Variants in UBE4A observed in about 807,000 individuals in gnomAD.
UBE4A encodes the protein ubiquitin conjugation factor E4 A.
Under a neutral mutation model 117.9 loss-of-function variants are expected in UBE4A, and 48 were observed. The ratio of observed to expected loss-of-function variants is 0.41; its 90% CI spans 0.32 to 0.52. The LOEUF is 0.52. UBE4A is among the 20% of genes least tolerant of loss of function. The pLI, the probability that UBE4A is intolerant of heterozygous loss-of-function variation, is 0.33. For missense variants in UBE4A, 1,067 were observed against 1,296.3 expected (o/e 0.82, Z 2.72); for synonymous variants, 407 against 450.0 (o/e 0.90, Z 1.21).
Position 118,386,571 on chromosome 11 carries a change from TG to T in UBE4A, c.2547del (p.Met849IlefsTer33). On this transcript the variant is annotated frameshift_variant, in exon 16 of 20. Transcript: ENST00000252108. LOFTEE classifies it high-confidence loss of function. ...FGQLARFHNI[M>X]SNETIGTLAF... The stretch of plus-strand genomic sequence containing the variant: ...CAGCTGGCACGTTTCCATAACATCA[TG>T]TCCAATGAAACAATCGGTACCCTTG... 1 of 1,595,444 alleles carries T rather than the reference TG, an allele frequency of 6.3e-7. No individual in the cohort carries two copies. The highest frequency in any genetic ancestry group is 8.5e-7 in the Non-Finnish European group (1 of 1,173,642).
intron 11 of UBE4A, among the ~76,000 whole-genome samples, chr11:118,380,136 T>C (rs1196166773): frequency 5.6e-3 from 135 of 24,318 alleles, no homozygotes; most frequent in East Asian, 6.8e-3. Flanking sequence ...TGTGTGTGCG[T>C]GTGTGTGTGT....
intron 19 of UBE4A, among the ~76,000 whole-genome samples, chr11:118,393,921 C>T (rs1180237495): frequency 1.3e-5 from 2 of 151,982 alleles, no homozygotes; most frequent in Non-Finnish European, 2.9e-5. Flanking sequence ...AGGTTTTACA[C>T]TATATTCACC....
At chr11:118,371,708 G>C (rs1187922182) in intron 5 of UBE4A, 42 bp downstream of exon 5, 13 of 1,559,886 alleles carry the variant, frequency 8.3e-6, no homozygotes, top group East Asian at 2.3e-5. Context: ...TGTCCTCTTG[G>C]GTATGACTTC....
At chr11:118,372,801 T>C in intron 6 of UBE4A, 135 bp downstream of exon 6, 1 of 1,305,928 alleles carries the variant, frequency 7.7e-7, no homozygotes, top group Non-Finnish European at 1.1e-6. Flanking sequence ...ATCTTGATCT[T>C]TGAGGTTGAG....
chr11:118,365,162 T>A lies in UBE4A; in HGVS notation c.82T>A (p.Phe28Ile). Reference sequence around the variant, plus strand: ...TGGCTCCCTGGCTGATGCCAAACAGTTTGCGGCAATCCAAAAAGAGCAGCT... The same window carrying A: ...TGGCTCCCTGGCTGATGCCAAACAGATTGCGGCAATCCAAAAAGAGCAGCT... ...LFGSLADAKQ[F>I]AAIQKEQLKQ... The change falls in exon 2 of 20, where the codon TTT becomes ATT. Residue 28 changes from phenylalanine to isoleucine, a missense_variant. Phe to Ile is a conservative substitution (Grantham distance 21, BLOSUM62 0). This residue lies in a region of UBE4A where 1,001 missense variants were observed against 1,184.0 expected (regional missense o/e 0.85). Transcript: ENST00000252108. The A allele has an allele frequency of 6.2e-7, 1 of 1,612,754 alleles. No individual in the cohort carries two copies. The highest frequency in any genetic ancestry group is 1.1e-5 in the South Asian group (1 of 90,794).
chr11:118,370,783 C>A (rs1410426170), intron 4 of UBE4A, among the ~76,000 whole-genome samples: 1 of 152,146 alleles, frequency 6.6e-6, no homozygotes, highest in Non-Finnish European at 1.5e-5. Context: ...AGGACACATA[C>A]CATGAGGACG....
chr11:118,376,354 A>G (rs916080278), intron 9 of UBE4A, among the ~76,000 whole-genome samples: 1 of 152,226 alleles, frequency 6.6e-6, no homozygotes, highest in African/African-American at 2.4e-5. Context: ...GAAACAATCT[A>G]TAGTAGTATT....
rs761829625 is a variant in UBE4A at position 118,373,553 on chromosome 11, C to G, written c.984C>G (p.Thr328=). 6.2e-7 allele frequency: 1 copy of G among 1,614,134 alleles called. No individual in the cohort carries two copies. Residue 328 remains threonine (T), a synonymous_variant, in exon 8 of 20, where the codon ACC becomes ACG. Transcript: ENST00000252108. ...CCAATGGGCAAATGTACCAGAAGAC[C>G]TTGCTGGGAGTAATTCTGAGTATCT... The part of the protein sequence containing the change: ...DPTNGQMYQK[T]LLGVILSISC...
Position 118,396,444 on chromosome 11 carries a change from C to A in UBE4A, c.*4C>A, listed in dbSNP as rs1591312421. 6.2e-7 allele frequency: 1 copy of A among 1,612,636 alleles called. No individual in the cohort carries two copies. On this transcript the variant is annotated 3_prime_UTR_variant, in exon 20 of 20. Transcript: ENST00000252108. ...ACAAAAGGAGCAACTTGAATAGATA[C>A]TGTGAACTAACCAAACCAAAACCAA... is the stretch of plus-strand genomic sequence containing the variant.
At chr11:118,384,488 G>C in intron 13 of UBE4A, 147 bp from the exon 14 acceptor site, 1 of 649,178 alleles carries the variant, frequency 1.5e-6, no homozygotes, top group Non-Finnish European at 2.7e-6. Flanking sequence ...GATAACTCTA[G>C]GCCTTTAGAA....
rs1948638021 is a variant in UBE4A at position 118,374,949 on chromosome 11, G to C, written c.1170G>C (p.Gln390His). Residue 390 changes from glutamine to histidine, a missense_variant, in exon 9 of 20, where the codon CAG (glutamine) becomes CAC (histidine). By Grantham distance (24) the Gln-to-His change is conservative (BLOSUM62 0). Transcript: ENST00000252108. ...KIYQMLKNLL[Q>H]LSPETKHCIL... ...ACCAGATGCTGAAGAACTTACTCCA[G>C]CTCTCTCCAGAAACCAAACACTGTA... 2 of 1,576,598 alleles carry C rather than the reference G, an allele frequency of 1.3e-6. No individual in the cohort carries two copies. The highest frequency in any genetic ancestry group is 1.7e-6 in the Non-Finnish European group (2 of 1,158,540).
Position 118,368,758 on chromosome 11 carries a change from C to T in UBE4A, c.249C>T (p.Asn83=), listed in dbSNP as rs372155672. The change falls in exon 3 of 20, where the codon AAC becomes AAT. Residue 83 remains asparagine (N), a synonymous_variant. Coordinates refer to ENST00000252108, the MANE Select transcript of UBE4A (RefSeq NM_001204077.2). The part of the protein sequence containing the change: ...RSQQEICEQL[N]INHMIQRIFL... ...AGCAGGAAATATGTGAGCAACTCAA[C>T]ATCAATCACATGATCCAAAGGATCT... is the stretch of plus-strand genomic sequence containing the variant. 6.2e-7 allele frequency: 1 copy of T among 1,614,070 alleles called. No individual in the cohort carries two copies. Among genetic ancestry groups the T allele is most frequent in the Non-Finnish European group, 8.5e-7 (1 of 1,180,028 alleles).
intron 10 of UBE4A, among the ~76,000 whole-genome samples, chr11:118,379,123 G>T (rs1190626396): frequency 3.9e-5 from 6 of 152,136 alleles, no homozygotes; most frequent in African/African-American, 9.7e-5. Context: ...TGGCCTTCTT[G>T]TACTTTGCCT....
At chr11:118,375,366 T>A in intron 9 of UBE4A, 137 bp downstream of exon 9, 4 of 950,948 alleles carry the variant, frequency 4.2e-6, no homozygotes, top group Non-Finnish European at 5.9e-6. Flanking sequence ...CGATTTTTTT[T>A]TCTTTTTTTT....
intron 17 of UBE4A, 65 bp downstream of exon 17, chr11:118,389,970 G>A: frequency 7.1e-7 from 1 of 1,407,796 alleles, no homozygotes; most frequent in Non-Finnish European, 9.5e-7. Context: ...TTTGATAGTA[G>A]AATGACTGGT....
intron 2 of UBE4A, among the ~76,000 whole-genome samples, chr11:118,367,239 A>G (rs1459646365): frequency 6.9e-6 from 1 of 144,206 alleles, no homozygotes; most frequent in Non-Finnish European, 1.5e-5. Flanking sequence ...TTTTGAGGAC[A>G]GAAGTTTAAA....
At chr11:118,372,958 T>C (rs1948620922) in intron 6 of UBE4A, 128 bp from the exon 7 acceptor site, 1 of 944,054 alleles carries the variant, frequency 1.1e-6, no homozygotes, top group Non-Finnish European at 1.5e-6. Context: ...CACTCCAGGC[T>C]GAGCAAAAAA....
At chr11:118,376,310 AAAAT>A (rs1195138478) in intron 9 of UBE4A, among the ~76,000 whole-genome samples, 2 of 152,272 alleles carry the variant, frequency 1.3e-5, no homozygotes, top group Non-Finnish European at 2.9e-5. Flanking sequence ...AGAAAAGCAC[AAAAT>A]AAATACAAAT....
At chr11:118,394,664 T>A (rs1331983933) in intron 19 of UBE4A, among the ~76,000 whole-genome samples, 1 of 151,728 alleles carries the variant, frequency 6.6e-6, no homozygotes, top group Non-Finnish European at 1.5e-5. Flanking sequence ...ATCCCAGCTA[T>A]TTGGGAGGCT....
Sources: allele counts gnomAD v4.1 joint callset (sites outside exome capture counted in the v4.1 genomes callset), GRCh38; gene constraint gnomAD v4.1.1; regional missense constraint gnomAD v4.1.1; transcripts MANE v1.5; gene names NCBI Gene and HGNC (gene_info 2026-07-23, HGNC 2026-07-21).